Variants in CRTC1 observed in about 807,000 individuals in gnomAD.
CRTC1 encodes the protein CREB regulated transcription coactivator 1.
CRTC1 carries 18 observed loss-of-function variants against 66.1 expected under a neutral mutation model. The observed-to-expected ratio is 0.27, with a 90% CI of 0.19 to 0.40. The LOEUF (loss-of-function observed/expected upper bound fraction) is 0.40, where lower values mean the gene tolerates loss of function less well. Among genes scored for constraint, CRTC1 ranks in the 10% least tolerant of loss-of-function variants. The probability of loss-of-function intolerance (pLI) is 1.00; values close to 1 mark genes in which losing one functional copy is unlikely to be tolerated. For missense variants in CRTC1, 669 were observed against 887.9 expected (o/e 0.75, Z 3.13); for synonymous variants, 416 against 398.8 (o/e 1.04, Z -0.51).
At chr19:18,756,555 T>TGAGCCCAG (rs1273897266) in intron 6 of CRTC1, among the ~76,000 whole-genome samples, 2 of 150,932 alleles carry the variant, frequency 1.3e-5, no homozygotes, top group Non-Finnish European at 2.9e-5. Flanking sequence ...GAGGATCACT[T>TGAGCCCAG]GAGCCCAGGA....
chr19:18,694,768 C>T (rs1198513535), intron 1 of CRTC1, among the ~76,000 whole-genome samples: 1 of 152,062 alleles, frequency 6.6e-6, no homozygotes, highest in South Asian at 2.1e-4. Context: ...ATTGGCTGGC[C>T]TCTGGGACTC....
At chr19:18,691,942 G>A (rs138867471) in intron 1 of CRTC1, among the ~76,000 whole-genome samples, 3,334 of 152,102 alleles carry the variant, frequency 0.022, 64 homozygotes, top group Admixed American at 0.044. Context: ...CGAACTCCTG[G>A]CCTCAAATGA....
At chr19:18,724,081 G>T (rs1385498977) in intron 1 of CRTC1, among the ~76,000 whole-genome samples, 1 of 152,174 alleles carries the variant, frequency 6.6e-6, no homozygotes, top group African/African-American at 2.4e-5. Flanking sequence ...AGTTGAGAGA[G>T]CGACACCGTG....
intron 1 of CRTC1, among the ~76,000 whole-genome samples, chr19:18,688,474 T>C (rs969485445): frequency 2.1e-4 from 31 of 149,274 alleles, no homozygotes; most frequent in South Asian, 8.3e-4. Context: ...GAGCCCCCCC[T>C]GTCGCCCAGG....
At chr19:18,684,327 C>A (rs990734050) in intron 1 of CRTC1, among the ~76,000 whole-genome samples, 1 of 151,998 alleles carries the variant, frequency 6.6e-6, no homozygotes, top group African/African-American at 2.4e-5. Context: ...CAAGTGCCCC[C>A]GCATCCTTGC....
rs56040769 is a variant in CRTC1 at position 18,747,129 on chromosome 19, A to ACCCCCCCCCC, written c.443+16_443+25dup. ...AGCTGGAGAAGGTCAGTGGCTGGAC[A>ACCCCCCCCCC]CCCCCCCCCCGCCCCCTTCTTGTTG... On this transcript the variant is annotated intron_variant, in intron 4 of 13. Transcript: ENST00000321949. 99 of 1,109,936 alleles carry ACCCCCCCCCC rather than the reference A, an allele frequency of 8.9e-5. No homozygotes were observed. The highest frequency in any genetic ancestry group is 4.5e-4 in the African/African-American group (21 of 46,406). The allele number at this position is 1,109,936 out of a possible 1,614,324, so 68.8% of individuals were successfully genotyped here.
intron 7 of CRTC1, 43 bp from the exon 8 acceptor site, chr19:18,759,965 G>GTCCCCGCCACCAGCCCCT (rs2054577393): frequency 2.0e-6 from 2 of 1,002,738 alleles, no homozygotes; most frequent in African/African-American, 2.9e-5. Context: ...CGCCAGCCCC[G>GTCCCCGCCACCAGCCCCT]CCCCATGAGC....
intron 1 of CRTC1, among the ~76,000 whole-genome samples, chr19:18,685,695 A>G (rs2052670052): frequency 6.6e-6 from 1 of 152,118 alleles, no homozygotes; most frequent in African/African-American, 2.4e-5. Context: ...CAACTTGAGC[A>G]TCCTTCCACG....
chr19:18,693,310 A>G (rs2052895256), intron 1 of CRTC1, among the ~76,000 whole-genome samples: 1 of 150,540 alleles, frequency 6.6e-6, no homozygotes. Context: ...AATTGCTTGA[A>G]CCAGGGTGCT....
intron 1 of CRTC1, among the ~76,000 whole-genome samples, chr19:18,732,673 G>A (rs748032298): frequency 6.6e-6 from 1 of 152,164 alleles, no homozygotes; most frequent in South Asian, 2.1e-4. Context: ...GGCTTCGTGG[G>A]TGCAGAGCCC....
At chr19:18,704,848 T>C (rs993282801) in intron 1 of CRTC1, among the ~76,000 whole-genome samples, 4 of 152,124 alleles carry the variant, frequency 2.6e-5, no homozygotes, top group African/African-American at 9.7e-5. Flanking sequence ...TTCAGAGCTT[T>C]TGCATCTTCC....
intron 1 of CRTC1, among the ~76,000 whole-genome samples, chr19:18,707,226 C>T (rs2053287322): frequency 6.6e-6 from 1 of 152,006 alleles, no homozygotes; most frequent in Admixed American, 6.6e-5. Flanking sequence ...TAGTTTTTTA[C>T]TTTTATAGTT....
chr19:18,747,129 A>ACCCCCCCC lies in CRTC1; in HGVS notation c.443+18_443+25dup. ...AGCTGGAGAAGGTCAGTGGCTGGAC[A>ACCCCCCCC]CCCCCCCCCCGCCCCCTTCTTGTTG... is the stretch of plus-strand genomic sequence containing the variant. On this transcript the variant is annotated intron_variant, in intron 4 of 13. Coordinates refer to ENST00000321949, the MANE Select transcript of CRTC1 (RefSeq NM_015321.3). 387 of 1,109,802 alleles carry ACCCCCCCC rather than the reference A, an allele frequency of 3.5e-4. 1 individual carries two copies. Among genetic ancestry groups the ACCCCCCCC allele is most frequent in the African/African-American group, 1.5e-3 (69 of 46,388 alleles). 68.7% of individuals were successfully genotyped at this position (1,109,802 alleles called of 1,614,324 possible).
intron 2 of CRTC1, chr19:18,744,093 T>G: frequency 6.2e-7 from 1 of 1,612,916 alleles, no homozygotes; most frequent in Non-Finnish European, 8.5e-7. Flanking sequence ...AAGTCTCGGT[T>G]CTTTGCATTT....
chr19:18,738,411 A>C (rs192305293), intron 1 of CRTC1, among the ~76,000 whole-genome samples: 1 of 152,328 alleles, frequency 6.6e-6, no homozygotes, highest in Admixed American at 6.5e-5. Flanking sequence ...CAGCTCCCCA[A>C]TCCCCGTGTT....
intron 1 of CRTC1, among the ~76,000 whole-genome samples, chr19:18,689,104 C>G (rs1056680562): frequency 3.3e-5 from 5 of 151,988 alleles, no homozygotes; most frequent in Non-Finnish European, 5.9e-5. Flanking sequence ...TGCCACCACA[C>G]CCGGCTAATT....
intron 1 of CRTC1, among the ~76,000 whole-genome samples, chr19:18,722,672 C>T (rs539889887): frequency 3.3e-5 from 5 of 152,296 alleles, no homozygotes; most frequent in South Asian, 2.1e-4. Context: ...GCCGTGGTGG[C>T]GTGTAGCACA....
intron 4 of CRTC1, among the ~76,000 whole-genome samples, chr19:18,748,358 C>A (rs1398515561): frequency 1.3e-5 from 2 of 149,368 alleles, no homozygotes; most frequent in Non-Finnish European, 3.0e-5. Flanking sequence ...AATCGTCCCA[C>A]CTCTGCTTCC....
chr19:18,764,564 C>G (rs1412401268), intron 8 of CRTC1, among the ~76,000 whole-genome samples: 1 of 152,262 alleles, frequency 6.6e-6, no homozygotes, highest in East Asian at 1.9e-4. Context: ...TTGCTCAGTG[C>G]AAGGGCCTTC....
Sources: gnomAD v4.1 joint callset for allele counts (sites outside exome capture counted in the v4.1 genomes callset) on GRCh38, gnomAD v4.1.1 for gene constraint, MANE v1.5 for transcripts, NCBI Gene and HGNC (gene_info 2026-07-23, HGNC 2026-07-21) for gene names.